Variants in TCF23 observed in about 807,000 individuals in gnomAD.
The protein encoded by TCF23 is class A basic helix-loop-helix protein 24.
In TCF23, 7 loss-of-function variants were observed where a neutral mutation model predicts 13.0. The ratio of observed to expected loss-of-function variants is 0.54; its 90% confidence interval spans 0.31 to 1.01. The LOEUF (loss-of-function observed/expected upper bound fraction) is 1.01. Ranked by LOEUF, TCF23 falls within the 50% of genes least tolerant of loss-of-function variation. The pLI, the probability that TCF23 is intolerant of heterozygous loss-of-function variation, is 0.06. For synonymous variants in TCF23, 122 were observed against 119.5 expected, an observed-to-expected ratio of 1.02 and a Z score of -0.14; for missense variants, 257 against 289.8, an observed-to-expected ratio of 0.89 and a Z score of 0.82.
intron 1 of TCF23, chr2:27,149,921 T>C: frequency 1.2e-6 from 1 of 800,420 alleles, no homozygotes; most frequent in Non-Finnish European, 2.0e-6. Flanking sequence ...TGCAGCCATC[T>C]GACCCCTGGC....
intron 2 of TCF23, among the ~76,000 whole-genome samples, chr2:27,151,586 G>A (rs560318226): frequency 1.3e-5 from 2 of 152,004 alleles, no homozygotes; most frequent in East Asian, 1.9e-4. Flanking sequence ...CACCCACTAC[G>A]GCCTCCCAAA....
Position 27,149,144 on chromosome 2 carries a change from G to A in TCF23, c.11G>A (p.Arg4Lys), listed in dbSNP as rs772017500. 1.3e-6 allele frequency: 2 copies of A among 1,549,814 alleles called. No individual in the cohort carries two copies. The highest frequency in any genetic ancestry group is 1.7e-6 in the Non-Finnish European group (2 of 1,147,024). MSQ[R>K]KARGPPAMPG... ...CCCCAGTGGGGTGGCATGTCACAGA[G>A]GAAGGCCAGAGGGCCACCAGCCATG... The change falls in exon 1 of 3, where the codon AGG becomes AAG. Residue 4 changes from arginine (R) to lysine (K), a missense_variant. Coordinates refer to ENST00000296096, the MANE Select transcript of TCF23 (RefSeq NM_175769.3).
At position 27,152,792 on chromosome 2, in the gene TCF23, G is replaced by A; in HGVS notation, c.570G>A (p.Val190=). The part of the protein sequence containing the change: ...TPSQRTRDAE[V]GSQVPGEADA... ...GCCAAAGAACAAGAGATGCAGAGGTGGGGTCCCAAGTCCCTGGAGAGGCAG... is the reference window on the plus strand; with the variant it reads ...GCCAAAGAACAAGAGATGCAGAGGTAGGGTCCCAAGTCCCTGGAGAGGCAG... The change falls in exon 3 of 3, where the codon GTG becomes GTA. Residue 190 remains valine, a synonymous_variant. Transcript: ENST00000296096. The A allele has an allele frequency of 1.2e-6, 2 of 1,614,040 alleles. No individual in the cohort carries two copies. Among genetic ancestry groups the A allele is most frequent in the East Asian group, 2.2e-5 (1 of 44,892 alleles).
chr2:27,149,501 C>G, intron 1 of TCF23, 146 bp downstream of exon 1: 3 of 794,276 alleles, frequency 3.8e-6, no homozygotes, highest in Non-Finnish European at 6.1e-6. Context: ...TCCAAGGCAT[C>G]ATGCTTTGGG....
In TCF23 at chr2:27,153,080, T is replaced by G. The variant is rs1211431582; in HGVS notation, c.*213T>G. 2.6e-6 allele frequency: 3 copies of G among 1,167,536 alleles called. No individual in the cohort carries two copies. The highest frequency in any genetic ancestry group is 2.2e-6 in the Non-Finnish European group (2 of 890,332). 72.3% of individuals were successfully genotyped at this position (1,167,536 alleles called of 1,614,324 possible). On this transcript the variant is annotated 3_prime_UTR_variant, in exon 3 of 3. Transcript: ENST00000296096. The stretch of plus-strand genomic sequence containing the variant: ...TCCTCCTTGGTCCCCAGGAGGGGAC[T>G]TCCCCATGGCTCTTCTGTGACAGCT...
chr2:27,154,009 C>G lies in TCF23; in HGVS notation c.*1142C>G, dbSNP rs1672801539. 2 of 152,220 alleles carry G rather than the reference C, an allele frequency of 1.3e-5. No homozygotes were observed. Among genetic ancestry groups the G allele is most frequent in the Admixed American group, 1.3e-4 (2 of 15,278 alleles). The allele number at this position is 152,220 out of a possible 1,614,324, so 9.4% of individuals were successfully genotyped here. On this transcript the variant is annotated 3_prime_UTR_variant, in exon 3 of 3. Transcript: ENST00000296096. Reference sequence around the variant, plus strand: ...CAACTGCTCAACCACTCAATTGGCTCCTTGTAAAATTTGTGTTCGAGGCTT... The same window carrying G: ...CAACTGCTCAACCACTCAATTGGCTGCTTGTAAAATTTGTGTTCGAGGCTT...
In TCF23 at chr2:27,149,312, C is replaced by G; in HGVS notation, c.179C>G (p.Pro60Arg). ...AACCAGAGATGGAGCAGAGCTACCCCTGGCCCTCGAGGGACCAGGGCTGGG... is the reference window on the plus strand; with the variant it reads ...AACCAGAGATGGAGCAGAGCTACCCGTGGCCCTCGAGGGACCAGGGCTGGG... ...WSNQRWSRAT[P>R]GPRGTRAGGL... Residue 60 changes from proline (P) to arginine (R), a missense_variant, in exon 1 of 3, where the codon CCT becomes CGT. By Grantham distance (103) the Pro-to-Arg change is moderately radical. Coordinates refer to ENST00000296096, the MANE Select transcript of TCF23 (RefSeq NM_175769.3). 6.3e-7 allele frequency: 1 copy of G among 1,594,894 alleles called. No homozygotes were observed. The highest frequency in any genetic ancestry group is 8.5e-7 in the Non-Finnish European group (1 of 1,170,968).
chr2:27,149,399 G>T (rs1558487198), intron 1 of TCF23, 44 bp downstream of exon 1: 1 of 1,533,656 alleles, frequency 6.5e-7, no homozygotes, highest in Non-Finnish European at 8.8e-7. Flanking sequence ...GGGAGGAAGG[G>T]GTTGGAAGGT....
Position 27,149,020 on chromosome 2 carries a change from C to T in TCF23, c.-114C>T. ...AACAGGACTGAGTTGGCGCCAGCTT[C>T]CTCGGATGTAGATATTGCTGGCTGG... On this transcript the variant is annotated 5_prime_UTR_variant, in exon 1 of 3. Transcript: ENST00000296096. 2.8e-6 allele frequency: 3 copies of T among 1,054,852 alleles called. No individual in the cohort carries two copies. Among genetic ancestry groups the T allele is most frequent in the South Asian group, 1.6e-5 (1 of 61,034 alleles). The allele number at this position is 1,054,852 out of a possible 1,614,324, so 65.3% of individuals were successfully genotyped here.
rs754315899 is a variant in TCF23 at position 27,149,012 on chromosome 2, G to A, written c.-122G>A. 7.0e-6 allele frequency: 7 copies of A among 994,232 alleles called. No individual in the cohort carries two copies. The highest frequency in any genetic ancestry group is 5.1e-5 in the South Asian group (3 of 59,394). 61.6% of individuals were successfully genotyped at this position (994,232 alleles called of 1,614,324 possible). A position where few individuals can be genotyped will look rare whatever the true frequency, so the allele number is the denominator to read the frequency against. On this transcript the variant is annotated 5_prime_UTR_variant, in exon 1 of 3. Coordinates refer to ENST00000296096, the MANE Select transcript of TCF23 (RefSeq NM_175769.3). ...AGGGAGCAAACAGGACTGAGTTGGCGCCAGCTTCCTCGGATGTAGATATTG... is the reference window on the plus strand; with the variant it reads ...AGGGAGCAAACAGGACTGAGTTGGCACCAGCTTCCTCGGATGTAGATATTG...
At position 27,156,739 on chromosome 2, in the gene TCF23, A is replaced by G. The variant is rs1156663707; in HGVS notation, c.*3872A>G. 1 of 152,232 alleles carries G rather than the reference A, an allele frequency of 6.6e-6. No individual in the cohort carries two copies. The highest frequency in any genetic ancestry group is 1.5e-5 in the Non-Finnish European group (1 of 68,060). 9.4% of individuals were successfully genotyped at this position (152,232 alleles called of 1,614,324 possible). On this transcript the variant is annotated 3_prime_UTR_variant, in exon 3 of 3. Transcript: ENST00000296096. ...GACACTGGATTTTACCAAATTGGGA[A>G]CTAGAGAAGTAGAGGATCTAGCCTT...
intron 1 of TCF23, chr2:27,149,696 C>T: frequency 1.7e-6 from 1 of 591,810 alleles, no homozygotes; most frequent in East Asian, 3.9e-5. Flanking sequence ...TGTGTCTTTC[C>T]TCTTTCCCAC....
In TCF23 at chr2:27,152,684, G is replaced by A; in HGVS notation, c.466-4G>A. On this transcript the variant is annotated splice_region_variant and splice_polypyrimidine_tract_variant and intron_variant, in intron 2 of 2. Coordinates refer to ENST00000296096, the MANE Select transcript of TCF23 (RefSeq NM_175769.3). ...TTTCTCACTTCCCAATCTGTGTCTTGCAGAAGTGGCCGATGCGATCTCGTC... is the reference window on the plus strand; with the variant it reads ...TTTCTCACTTCCCAATCTGTGTCTTACAGAAGTGGCCGATGCGATCTCGTC... 6.2e-7 allele frequency: 1 copy of A among 1,612,408 alleles called. No individual in the cohort carries two copies. The highest frequency in any genetic ancestry group is 8.5e-7 in the Non-Finnish European group (1 of 1,178,918).
chr2:27,149,305 G>A lies in TCF23; in HGVS notation c.172G>A (p.Ala58Thr). ...RSWSNQRWSR[A>T]TPGPRGTRAG... Reference sequence around the variant, plus strand: ...CTGGAGCAACCAGAGATGGAGCAGAGCTACCCCTGGCCCTCGAGGGACCAG... The same window carrying A: ...CTGGAGCAACCAGAGATGGAGCAGAACTACCCCTGGCCCTCGAGGGACCAG... The change falls in exon 1 of 3, where the codon GCT (alanine) becomes ACT (threonine). Residue 58 changes from alanine to threonine, a missense_variant. Coordinates refer to ENST00000296096, the MANE Select transcript of TCF23 (RefSeq NM_175769.3). 6.3e-7 allele frequency: 1 copy of A among 1,596,386 alleles called. No homozygotes were observed. Among genetic ancestry groups the A allele is most frequent in the Non-Finnish European group, 8.5e-7 (1 of 1,171,768 alleles).
chr2:27,152,425 T>C (rs960717724), intron 2 of TCF23, among the ~76,000 whole-genome samples: 1 of 152,236 alleles, frequency 6.6e-6, no homozygotes, highest in African/African-American at 2.4e-5. Context: ...TGATCTTCTG[T>C]CCACCTCCCT....
At position 27,156,427 on chromosome 2, in the gene TCF23, G is replaced by A. The variant is rs1387591871; in HGVS notation, c.*3560G>A. 2 of 150,696 alleles carry A rather than the reference G, an allele frequency of 1.3e-5. No homozygotes were observed. Among genetic ancestry groups the A allele is most frequent in the African/African-American group, 4.9e-5 (2 of 40,984 alleles). The allele number at this position is 150,696 out of a possible 1,614,324, so 9.3% of individuals were successfully genotyped here. ...GAGTCTCACTCTGTCACCGAGGCTG[G>A]AGCGCAGTGGCGTGATCTCGGCTCA... On this transcript the variant is annotated 3_prime_UTR_variant, in exon 3 of 3. Transcript: ENST00000296096.
intron 2 of TCF23, among the ~76,000 whole-genome samples, chr2:27,151,560 C>T (rs556652376): frequency 1.3e-5 from 2 of 152,142 alleles, no homozygotes; most frequent in East Asian, 3.9e-4. Flanking sequence ...TCTCAAACTC[C>T]CGACCTCAGA....
chr2:27,149,175 G>C lies in TCF23; in HGVS notation c.42G>C (p.Gly14=). The change falls in exon 1 of 3, where the codon GGG becomes GGC. Residue 14 remains glycine, a synonymous_variant. Coordinates refer to ENST00000296096, the MANE Select transcript of TCF23 (RefSeq NM_175769.3). ...RKARGPPAMP[G]VGHSQTQAKA... ...CCAGAGGGCCACCAGCCATGCCAGG[G>C]GTGGGGCATAGCCAGACTCAGGCCA... 6.4e-7 allele frequency: 1 copy of C among 1,551,426 alleles called. No homozygotes were observed. Among genetic ancestry groups the C allele is most frequent in the Non-Finnish European group, 8.7e-7 (1 of 1,147,458 alleles).
Position 27,150,007 on chromosome 2 carries a change from G to T in TCF23, c.223-116G>T. On this transcript the variant is annotated intron_variant, in intron 1 of 2. Transcript: ENST00000296096. The surrounding 1 kb of genome is among the most constrained non-coding windows in gnomAD (Gnocchi z 4.1). ...GACGTAGGTGGGCAGAGGCCCTCTG[G>T]TGCCTACTGCTAGACACCCTTCTAC... 1 of 1,487,262 alleles carries T rather than the reference G, an allele frequency of 6.7e-7. No individual in the cohort carries two copies. The highest frequency in any genetic ancestry group is 1.4e-5 in the African/African-American group (1 of 72,334). 92.1% of individuals were successfully genotyped at this position (1,487,262 alleles called of 1,614,324 possible).
Sources: allele counts gnomAD v4.1 joint callset (sites outside exome capture counted in the v4.1 genomes callset), GRCh38; gene constraint gnomAD v4.1.1; non-coding constraint Gnocchi (gnomAD v3.1); transcripts MANE v1.5; gene names NCBI Gene and HGNC (gene_info 2026-07-23, HGNC 2026-07-21).